Variants in KLF13 observed in about 807,000 individuals in gnomAD.
KLF13 encodes the protein Krueppel-like factor 13.
KLF13 carries 8 observed loss-of-function variants against 16.7 expected under a neutral mutation model. That is an observed-to-expected ratio of 0.48 (90% CI 0.28 to 0.87). The LOEUF (loss-of-function observed/expected upper bound fraction) is 0.87, where lower values mean the gene tolerates loss of function less well. Ranked by LOEUF, KLF13 falls within the 40% of genes least tolerant of loss-of-function variation. KLF13 has a pLI of 0.10. For missense variants in KLF13, 447 were observed against 452.2 expected (o/e 0.99, Z 0.10); for synonymous variants, 245 against 208.4 (o/e 1.18, Z -1.51).
chr15:31,387,850 C>A (rs529425426), upstream of KLF13, among the ~76,000 whole-genome samples: 10 of 152,340 alleles, frequency 6.6e-5, no homozygotes, highest in South Asian at 2.1e-4. Flanking sequence ...CAGGCTGTGA[C>A]CAGGTTGCTG....
chr15:31,421,083 G>A lies in KLF13; in HGVS notation n.118-14287G>A, dbSNP rs371490791. On this transcript the variant is annotated intron_variant and non_coding_transcript_variant, in intron 1 of 1. Coordinates refer to the KLF13 transcript ENST00000558225. ...TGTATAGGACTCTGTATCTTCAGCT[G>A]TGGTATTATTTTTGTTTTGTTTTTG... is the stretch of plus-strand genomic sequence containing the variant. Among the ~76,000 whole-genome samples the A allele has an allele frequency of 1.5e-4, 23 of 152,202 alleles. 2 individuals carry two copies. Among genetic ancestry groups the A allele is most frequent in the Admixed American group, 9.2e-4 (14 of 15,280 alleles).
chr15:31,345,717 G>A (rs1244807066), intron 1 of KLF13, among the ~76,000 whole-genome samples: 1 of 152,200 alleles, frequency 6.6e-6, no homozygotes, highest in East Asian at 1.9e-4. Flanking sequence ...TGGTTGTGAG[G>A]CCGCAGCCTG....
At chr15:31,409,361 T>C (rs1222876941), downstream of KLF13, among the ~76,000 whole-genome samples, 1 of 151,956 alleles carries the variant, frequency 6.6e-6, no homozygotes, top group East Asian at 1.9e-4. Context: ...AATGATGCAA[T>C]ATATGCATTA....
intron 1 of KLF13, among the ~76,000 whole-genome samples, chr15:31,356,178 C>T (rs2039298129): frequency 6.6e-6 from 1 of 152,194 alleles, no homozygotes; most frequent in African/African-American, 2.4e-5. Context: ...TTTCACCCTC[C>T]TCCCTCCCCG....
intron 1 of KLF13, among the ~76,000 whole-genome samples, chr15:31,347,780 C>A (rs1004306475): frequency 2.6e-5 from 4 of 152,240 alleles, no homozygotes; most frequent in Admixed American, 2.0e-4. Flanking sequence ...CCTTCCACCC[C>A]CTCCAGCCTC....
intron 1 of KLF13, among the ~76,000 whole-genome samples, chr15:31,385,259 TGAG>T (rs1392920615): frequency 6.6e-6 from 1 of 152,208 alleles, no homozygotes; most frequent in Admixed American, 6.5e-5. Flanking sequence ...CCTGAACTGA[TGAG>T]TATCTATAGA....
chr15:31,328,332 C>G (rs1054637721), intron 1 of KLF13, among the ~76,000 whole-genome samples: 2 of 151,920 alleles, frequency 1.3e-5, no homozygotes, highest in African/African-American at 4.8e-5. Context: ...ATTCTTCGCT[C>G]TCTTCTTCCT....
Position 31,327,355 on chromosome 15 carries a change from G to C in KLF13, c.143G>C (p.Arg48Pro). The change falls in exon 1 of 2, where the codon CGC (arginine) becomes CCC (proline). Residue 48 changes from arginine (R) to proline (P), a missense_variant. Arg to Pro is a moderately radical substitution (Grantham distance 103). Coordinates refer to ENST00000307145, the MANE Select transcript of KLF13 (RefSeq NM_015995.4). ...GTGGCCGCCACCCCCACGCTGCCCCGCGTCGAGGAGCGCCGCGACGGTAAG... is the reference window on the plus strand; with the variant it reads ...GTGGCCGCCACCCCCACGCTGCCCCCCGTCGAGGAGCGCCGCGACGGTAAG... ...AAVAATPTLPRVEERRDGKDS... is the reference protein window; with the variant it reads ...AAVAATPTLPPVEERRDGKDS... The C allele has an allele frequency of 7.8e-7, 1 of 1,281,412 alleles. No individual in the cohort carries two copies. 79.4% of individuals were successfully genotyped at this position (1,281,412 alleles called of 1,614,324 possible).
At chr15:31,364,512 T>G (rs910968925) in intron 1 of KLF13, among the ~76,000 whole-genome samples, 1 of 152,198 alleles carries the variant, frequency 6.6e-6, no homozygotes, top group South Asian at 2.1e-4. Context: ...CGGGGCCCCT[T>G]GGCCCATAGG....
At chr15:31,346,465 A>G (rs1343768772) in intron 1 of KLF13, among the ~76,000 whole-genome samples, 1 of 152,010 alleles carries the variant, frequency 6.6e-6, no homozygotes, top group Admixed American at 6.5e-5. Context: ...GGCCACCCAC[A>G]CAGCTGTGGA....
At chr15:31,369,439 G>A (rs538189609) in intron 1 of KLF13, among the ~76,000 whole-genome samples, 42 of 152,346 alleles carry the variant, frequency 2.8e-4, no homozygotes, top group Middle Eastern at 3.4e-3. Flanking sequence ...AGCTTGGCTC[G>A]GAGCTCTTGA....
rs1185837442 is a variant in KLF13 at position 31,327,611 on chromosome 15, C to G, written c.399C>G (p.Pro133=). 6.1e-6 allele frequency: 8 copies of G among 1,320,898 alleles called. No individual in the cohort carries two copies. The highest frequency in any genetic ancestry group is 3.3e-5 in the Admixed American group (1 of 30,290). The allele number at this position is 1,320,898 out of a possible 1,614,324, so 81.8% of individuals were successfully genotyped here. Residue 133 remains proline, a synonymous_variant, in exon 1 of 2, where the codon CCC becomes CCG. Transcript: ENST00000307145. ...CGGAGCCCGAGGCGGGGCTGGAGCCCGAGCGGGAGCCGGGGCCCGCGGGGA... is the reference window on the plus strand; with the variant it reads ...CGGAGCCCGAGGCGGGGCTGGAGCCGGAGCGGGAGCCGGGGCCCGCGGGGA... ...SEPEPEAGLE[P]EREPGPAGSG... is the part of the protein sequence containing the mutation.
chr15:31,400,093 C>G (rs546999905), intron 2 of KLF13, among the ~76,000 whole-genome samples: 1 of 152,334 alleles, frequency 6.6e-6, no homozygotes, highest in South Asian at 2.1e-4. Flanking sequence ...TGGAGCCTCC[C>G]CATGGGGTTC....
intron 1 of KLF13, among the ~76,000 whole-genome samples, chr15:31,412,213 A>G (rs952367255): frequency 1.3e-5 from 2 of 152,222 alleles, no homozygotes; most frequent in African/African-American, 2.4e-5. Flanking sequence ...CATCTTTGAA[A>G]AAAAGGAGCT....
intron 1 of KLF13, among the ~76,000 whole-genome samples, chr15:31,370,062 T>C (rs2039534074): frequency 6.6e-6 from 1 of 150,882 alleles, no homozygotes; most frequent in Non-Finnish European, 1.5e-5. Flanking sequence ...TTTTTTTTTT[T>C]TTTTACTCTT....
intron 1 of KLF13, among the ~76,000 whole-genome samples, chr15:31,330,814 A>G (rs140433591): frequency 2.4e-4 from 37 of 152,350 alleles, no homozygotes; most frequent in Non-Finnish European, 4.6e-4. Flanking sequence ...AGCTCGTGCT[A>G]CTTTATTATT....
At chr15:31,426,952 C>T (rs1175743311) in intron 1 of KLF13, among the ~76,000 whole-genome samples, 3 of 152,354 alleles carry the variant, frequency 2.0e-5, no homozygotes, top group Non-Finnish European at 4.4e-5. Context: ...GACATCAGAA[C>T]TCCAGTCTCT....
At chr15:31,411,441 G>A (rs752472677) in intron 1 of KLF13, among the ~76,000 whole-genome samples, 26 of 149,966 alleles carry the variant, frequency 1.7e-4, no homozygotes, top group Non-Finnish European at 3.2e-4. Context: ...TGTCGCCCAG[G>A]CTGGAATGCA....
At chr15:31,338,981 G>A (rs959839639) in intron 1 of KLF13, among the ~76,000 whole-genome samples, 7 of 152,120 alleles carry the variant, frequency 4.6e-5, no homozygotes, top group Admixed American at 2.6e-4. Flanking sequence ...TCTTTGTGCT[G>A]TCTGTAGCTG....
Sources: allele counts gnomAD v4.1 joint callset (sites outside exome capture counted in the v4.1 genomes callset), GRCh38; gene constraint gnomAD v4.1.1; transcripts MANE v1.5; gene names NCBI Gene and HGNC (gene_info 2026-07-23, HGNC 2026-07-21).